The following RBFOX1 variants were observed in gnomAD, a reference collection of about 807,000 sequenced individuals.
RBFOX1 encodes the protein RNA binding protein fox-1 homolog 1.
A neutral mutation model predicts 57.7 loss-of-function variants in RBFOX1; 8 were observed. The ratio of observed to expected loss-of-function variants is 0.14; its 90% CI spans 0.08 to 0.25. The LOEUF (loss-of-function observed/expected upper bound fraction) is 0.25. Ranked by LOEUF, RBFOX1 falls within the 10% of genes least tolerant of loss-of-function variation. The pLI is 1.00. For synonymous variants in RBFOX1, 326 were observed against 222.4 expected, an observed-to-expected ratio of 1.47 and a Z score of -4.15; for missense variants, 611 against 548.5, an observed-to-expected ratio of 1.11 and a Z score of -1.14.
intron 4 of RBFOX1, among the ~76,000 whole-genome samples, chr16:7,065,721 G>C: frequency 6.6e-6 from 1 of 152,064 alleles, no homozygotes; most frequent in East Asian, 1.9e-4. Flanking sequence ...ATTACCTGTA[G>C]CCGCCATGTT....
At chr16:7,129,952 A>C (rs987218260) in intron 4 of RBFOX1, among the ~76,000 whole-genome samples, 1 of 151,280 alleles carries the variant, frequency 6.6e-6, no homozygotes, top group South Asian at 2.1e-4. Context: ...TTCAAATCTC[A>C]TTTGCCAGCA....
chr16:6,986,555 G>A (rs928869355), intron 3 of RBFOX1, among the ~76,000 whole-genome samples: 1 of 152,150 alleles, frequency 6.6e-6, no homozygotes, highest in Non-Finnish European at 1.5e-5. Context: ...GCTTCCCAAA[G>A]TGCTGGGATT....
At chr16:7,440,073 C>A (rs562629890) in intron 4 of RBFOX1, among the ~76,000 whole-genome samples, 1 of 151,708 alleles carries the variant, frequency 6.6e-6, no homozygotes, top group East Asian at 1.9e-4. Flanking sequence ...CACCTCAGCC[C>A]CTCAAGTTGC....
chr16:5,836,147 C>A (rs1390408206), intron 3 of RBFOX1, among the ~76,000 whole-genome samples: 2 of 152,164 alleles, frequency 1.3e-5, no homozygotes, highest in African/African-American at 4.8e-5. Context: ...GAGGGCAGCT[C>A]CGTCTGCTGC....
chr16:6,736,560 T>C (rs60192802), intron 3 of RBFOX1, among the ~76,000 whole-genome samples: 14,276 of 152,258 alleles, frequency 0.094, 881 homozygotes, highest in East Asian at 0.17. Context: ...ACTCATTGAG[T>C]AATGGGCATT....
chr16:6,898,254 T>C (rs1317437323), intron 3 of RBFOX1, among the ~76,000 whole-genome samples: 2 of 152,088 alleles, frequency 1.3e-5, no homozygotes, highest in African/African-American at 2.4e-5. Flanking sequence ...ACTCCAGCTG[T>C]GATCACCTGC....
At chr16:5,798,061 C>A (rs912782651) in intron 3 of RBFOX1, among the ~76,000 whole-genome samples, 6 of 152,192 alleles carry the variant, frequency 3.9e-5, no homozygotes, top group East Asian at 1.9e-4. Context: ...GGTTTCTGTA[C>A]TTAATAGCTA....
At chr16:7,496,747 G>GAAAAAAAAAAA (rs71150303) in intron 4 of RBFOX1, among the ~76,000 whole-genome samples, 4 of 127,492 alleles carry the variant, frequency 3.1e-5, no homozygotes, top group East Asian at 2.4e-4. Flanking sequence ...CTACAGAACA[G>GAAAAAAAAAAA]AAAAAAAAAA....
chr16:5,841,334 C>T (rs1446835328), intron 3 of RBFOX1, among the ~76,000 whole-genome samples: 1 of 152,154 alleles, frequency 6.6e-6, no homozygotes, highest in Admixed American at 6.5e-5. Context: ...TTCTTATCAC[C>T]ATGCAGCTGC....
rs542448910 is a variant in RBFOX1 at position 5,794,256 on chromosome 16, T to A, written c.319-73047T>A. ...AAATGGTCCTTCTTCCCCTTTCTTT[T>A]TCCTTCTCTTCCTCCTCTTTGTTTC... On this transcript the variant is annotated intron_variant, in intron 3 of 19. Coordinates refer to the RBFOX1 transcript ENST00000641259. 2.0e-5 allele frequency among the ~76,000 whole-genome samples: 3 copies of A among 152,292 alleles called. No homozygotes were observed. In the South Asian group the frequency reaches 6.2e-4, roughly 32 times the overall value.
At chr16:7,386,855 G>T (rs1036514336) in intron 4 of RBFOX1, among the ~76,000 whole-genome samples, 4 of 152,170 alleles carry the variant, frequency 2.6e-5, no homozygotes, top group Non-Finnish European at 4.4e-5. Flanking sequence ...CAGTGTAAAA[G>T]TGTTCCTATT....
chr16:6,009,902 T>C (rs1361372713), intron 4 of RBFOX1, among the ~76,000 whole-genome samples: 3 of 151,950 alleles, frequency 2.0e-5, no homozygotes, highest in Non-Finnish European at 4.4e-5. Context: ...ATCTCCAGCA[T>C]GGAGCCCAGC....
At chr16:5,331,623 A>G (rs1209583416) in intron 1 of RBFOX1, among the ~76,000 whole-genome samples, 1 of 152,274 alleles carries the variant, frequency 6.6e-6, no homozygotes, top group Non-Finnish European at 1.5e-5. Flanking sequence ...CACATGGCCA[A>G]ACAAAAATCA....
At chr16:5,397,081 C>T (rs2066580247) in intron 1 of RBFOX1, among the ~76,000 whole-genome samples, 1 of 152,156 alleles carries the variant, frequency 6.6e-6, no homozygotes, top group South Asian at 2.1e-4. Context: ...TGGAAATTAG[C>T]AGAGAGCAGA....
chr16:5,423,469 G>A (rs546470144), intron 1 of RBFOX1, among the ~76,000 whole-genome samples: 2 of 152,182 alleles, frequency 1.3e-5, no homozygotes, highest in Admixed American at 6.5e-5. Context: ...GGCTCCCTAC[G>A]CCATCCAACA....
chr16:6,600,776 C>G (rs1256409671), intron 2 of RBFOX1, among the ~76,000 whole-genome samples: 1 of 151,926 alleles, frequency 6.6e-6, no homozygotes, highest in African/African-American at 2.4e-5. Context: ...AGATTATATC[C>G]TTTTATGTGG....
chr16:7,211,417 A>T (rs1029133120), intron 4 of RBFOX1, among the ~76,000 whole-genome samples: 4 of 138,032 alleles, frequency 2.9e-5, no homozygotes, highest in African/African-American at 1.1e-4. Context: ...AAAAAATTGG[A>T]CTCTGGTTTC....
intron 3 of RBFOX1, among the ~76,000 whole-genome samples, chr16:5,607,130 A>G (rs1008828659): frequency 3.3e-5 from 5 of 152,316 alleles, no homozygotes; most frequent in Admixed American, 3.3e-4. Context: ...AGGGGTCACC[A>G]GCTCTACGCC....
chr16:5,506,226 C>T (rs1309617092), intron 2 of RBFOX1, among the ~76,000 whole-genome samples: 1 of 152,214 alleles, frequency 6.6e-6, no homozygotes, highest in African/African-American at 2.4e-5. Context: ...ACCTCTCCTA[C>T]ACCAGTACTG....
Sources: gnomAD v4.1 joint callset for allele counts (sites outside exome capture counted in the v4.1 genomes callset) on GRCh38, gnomAD v4.1.1 for gene constraint, MANE v1.5 for transcripts, NCBI Gene and HGNC (gene_info 2026-07-23, HGNC 2026-07-21) for gene names.